RNF14: variants seen among roughly 807,000 people sequenced by gnomAD.
The protein encoded by RNF14 is E3 ubiquitin-protein ligase RNF14.
RNF14 carries 26 observed loss-of-function variants against 52.6 expected under a neutral mutation model. The observed-to-expected ratio is 0.49, with a 90% CI of 0.36 to 0.69. The LOEUF (loss-of-function observed/expected upper bound fraction) is 0.69, where lower values mean the gene tolerates loss of function less well. Among genes scored for constraint, RNF14 ranks in the 30% least tolerant of loss-of-function variants. The probability of loss-of-function intolerance (pLI) is 0.00; values close to 1 mark genes in which losing one functional copy is unlikely to be tolerated. For synonymous variants in RNF14, 194 were observed against 202.0 expected, an observed-to-expected ratio of 0.96 and a Z score of 0.34; for missense variants, 404 against 560.4, an observed-to-expected ratio of 0.72 and a Z score of 2.82.
chr5:141,953,563 G>T (rs1753124439), upstream of RNF14, among the ~76,000 whole-genome samples: 3 of 152,190 alleles, frequency 2.0e-5, no homozygotes, highest in Non-Finnish European at 2.9e-5. Flanking sequence ...TGGGCAAGTT[G>T]CCTGTTACCC....
In RNF14 at chr5:141,978,693, A is replaced by G. The variant is rs767735115; in HGVS notation, c.697A>G (p.Met233Val). 3 of 1,614,026 alleles carry G rather than the reference A, an allele frequency of 1.9e-6. No individual in the cohort carries two copies. Among genetic ancestry groups the G allele is most frequent in the South Asian group, 1.1e-5 (1 of 91,082 alleles). The change falls in exon 5 of 9, where the codon ATG becomes GTG. Residue 233 changes from methionine to valine, a missense_variant. Met to Val is a conservative substitution (Grantham distance 21). Transcript: ENST00000394520. ...CTGTGAGAAGCTGGGTAGTGAATGCATGTACTTCTTGGAGTGCAGGCATGT... is the reference window on the plus strand; with the variant it reads ...CTGTGAGAAGCTGGGTAGTGAATGCGTGTACTTCTTGGAGTGCAGGCATGT... Reference protein sequence around the residue: ...CFCEKLGSECMYFLECRHVYC... With the variant: ...CFCEKLGSECVYFLECRHVYC...
upstream of RNF14, chr5:141,956,304 C>T (rs1180116847): frequency 6.2e-7 from 1 of 1,614,174 alleles, no homozygotes. Flanking sequence ...GAGCAGTGAC[C>T]TCTCCTGTGT....
rs888920150 is a variant in RNF14, at chr5:141,989,587, G to A, written c.*1797G>A. The A allele has an allele frequency of 2.0e-5, 3 of 152,020 alleles. No individual in the cohort carries two copies. The highest frequency in any genetic ancestry group is 4.4e-5 in the Non-Finnish European group (3 of 68,046). 9.4% of individuals were successfully genotyped at this position (152,020 alleles called of 1,614,324 possible). ...AGGCGCCTGTAGTCCCAGCTACTCA[G>A]GAGGCTGAGGCAGGAGAATGGCATG... On this transcript the variant is annotated 3_prime_UTR_variant, in exon 9 of 9. Coordinates refer to ENST00000394520, the MANE Select transcript of RNF14 (RefSeq NM_004290.5).
intron 6 of RNF14, 60 bp from the exon 7 acceptor site, chr5:141,983,320 A>G (rs1754944491): frequency 1.5e-6 from 2 of 1,305,282 alleles, no homozygotes; most frequent in Non-Finnish European, 2.2e-6. Flanking sequence ...GCCATTTTTA[A>G]TGATTTTTGG....
upstream of RNF14, chr5:141,957,291 G>A: frequency 6.2e-7 from 1 of 1,613,484 alleles, no homozygotes; most frequent in Non-Finnish European, 8.5e-7. This position sits in a 1 kb window ranked among gnomAD's most constrained non-coding sequence, Gnocchi z 4.3. Flanking sequence ...TCTCATCAGG[G>A]CCCACAATGA....
intron 2 of RNF14, among the ~76,000 whole-genome samples, chr5:141,973,381 G>T (rs998601335): frequency 1.3e-5 from 2 of 152,046 alleles, no homozygotes; most frequent in African/African-American, 4.8e-5. Flanking sequence ...GGGATTACAG[G>T]CACCTGCCAC....
At chr5:141,955,202 C>T (rs1448999634), upstream of RNF14, 3 of 1,614,126 alleles carry the variant, frequency 1.9e-6, no homozygotes, top group East Asian at 2.2e-5. The surrounding 1 kb of genome is among the most constrained non-coding windows in gnomAD (Gnocchi z 5.5). Context: ...GTGGGGCTGC[C>T]TGCAACCTTC....
chr5:141,958,087 C>T (rs1215573677), upstream of RNF14: 4 of 548,998 alleles, frequency 7.3e-6, no homozygotes, highest in South Asian at 4.8e-5. Flanking sequence ...CCAGGGGAGA[C>T]CCCCTACTGG....
chr5:141,971,424 G>A (rs2126972701), intron 2 of RNF14, among the ~76,000 whole-genome samples: 1 of 152,152 alleles, frequency 6.6e-6, no homozygotes, highest in Non-Finnish European at 1.5e-5. Flanking sequence ...TATAGAGACA[G>A]GATCTTGCTA....
At chr5:141,965,969 CTTAAAAG>C (rs1753336733), upstream of RNF14, among the ~76,000 whole-genome samples, 1 of 146,592 alleles carries the variant, frequency 6.8e-6, no homozygotes, top group African/African-American at 2.5e-5. Flanking sequence ...TACCCATGAA[CTTAAAAG>C]TTAAAAAAAA....
chr5:141,984,739 G>T, intron 7 of RNF14, 64 bp from the exon 8 acceptor site: 1 of 1,490,564 alleles, frequency 6.7e-7, no homozygotes, highest in Non-Finnish European at 9.3e-7. Context: ...GAATCATTTT[G>T]GCATGTGCTG....
upstream of RNF14, chr5:141,968,881 T>C (rs918349268): frequency 2.6e-5 from 4 of 151,970 alleles, no homozygotes; most frequent in South Asian, 2.1e-4. Context: ...CCTCTAGAGA[T>C]TGGTAAAAAT....
chr5:141,985,282 G>A (rs183833943), intron 8 of RNF14, among the ~76,000 whole-genome samples: 1 of 152,088 alleles, frequency 6.6e-6, no homozygotes, highest in African/African-American at 2.4e-5. Context: ...TTATGATAAT[G>A]CTTCAACTCT....
rs1753672623 is a variant in RNF14 at position 141,970,783 on chromosome 5, C to T, written c.-101C>T. On this transcript the variant is annotated 5_prime_UTR_variant, in exon 2 of 9. An upstream open reading frame in the 5' UTR gains an earlier in-frame stop. Transcript: ENST00000394520. ...CCAGCTTCAGCAGTCTCAGCTCCAC[C>T]AGTTAGAGAATAAATGGGATTTGCA... 1 of 152,298 alleles carries T rather than the reference C, an allele frequency of 6.6e-6. No homozygotes were observed. 9.4% of individuals were successfully genotyped at this position (152,298 alleles called of 1,614,324 possible). A position where few individuals can be genotyped will look rare whatever the true frequency, so the allele number is the denominator to read the frequency against.
intron 8 of RNF14, 102 bp downstream of exon 8, chr5:141,985,035 G>A: frequency 1.9e-6 from 2 of 1,059,594 alleles, no homozygotes; most frequent in East Asian, 4.9e-5. Flanking sequence ...CTTATTTAGA[G>A]AATTCTCTTA....
rs200103265 is a variant in RNF14 at position 141,974,821 on chromosome 5, C to T, written c.172C>T (p.Leu58Phe). 1.0e-4 allele frequency: 165 copies of T among 1,613,866 alleles called. No homozygotes were observed. The highest frequency in any genetic ancestry group is 1.4e-4 in the Non-Finnish European group (161 of 1,179,910). The change falls in exon 4 of 9, where the codon CTC becomes TTC. Residue 58 changes from leucine (L) to phenylalanine (F), a missense_variant. Leu to Phe is a conservative substitution (Grantham distance 22). Coordinates refer to ENST00000394520, the MANE Select transcript of RNF14 (RefSeq NM_004290.5). ...IFVSGNSNEC[L>F]QNSGFEYTIC... ...TGGTTCAGGCAATTCAAATGAGTGT[C>T]TCCAGAATAGTGGCTTTGAATACAC... is the stretch of plus-strand genomic sequence containing the variant.
In RNF14 at chr5:141,988,951, A is replaced by G. The variant is rs1317148683; in HGVS notation, c.*1161A>G. 1 of 152,148 alleles carries G rather than the reference A, an allele frequency of 6.6e-6. No homozygotes were observed. The highest frequency in any genetic ancestry group is 1.5e-5 in the Non-Finnish European group (1 of 67,998). The allele number at this position is 152,148 out of a possible 1,614,324, so 9.4% of individuals were successfully genotyped here. Reference sequence around the variant, plus strand: ...GCTTTTTGAAAAATTGTCTTTCCTTATCATTGGTGGGAGGCTTGGTAGCAA... The same window carrying G: ...GCTTTTTGAAAAATTGTCTTTCCTTGTCATTGGTGGGAGGCTTGGTAGCAA... On this transcript the variant is annotated 3_prime_UTR_variant, in exon 9 of 9. Transcript: ENST00000394520.
chr5:141,961,964 T>C (rs550224936), upstream of RNF14, among the ~76,000 whole-genome samples: 1 of 152,276 alleles, frequency 6.6e-6, no homozygotes, highest in African/African-American at 2.4e-5. Context: ...TCCCCTGTGG[T>C]TGCCACAGCA....
chr5:141,966,391 A>C (rs1457246710), upstream of RNF14, among the ~76,000 whole-genome samples: 1 of 152,244 alleles, frequency 6.6e-6, no homozygotes, highest in African/African-American at 2.4e-5. Context: ...AAAATGTCAT[A>C]AATAGTAATT....
Sources: allele counts gnomAD v4.1 joint callset (sites outside exome capture counted in the v4.1 genomes callset), GRCh38; gene constraint gnomAD v4.1.1; non-coding constraint Gnocchi (gnomAD v3.1); transcripts MANE v1.5; gene names NCBI Gene and HGNC (gene_info 2026-07-23, HGNC 2026-07-21).